EPB41L5: variants seen among roughly 807,000 people sequenced by gnomAD.
EPB41L5 encodes erythrocyte membrane protein band 4.1 like 5, also known as band 4.1-like protein 5.
Under a neutral mutation model 106.6 loss-of-function variants are expected in EPB41L5, and 55 were observed. That is an observed-to-expected ratio of 0.52 (90% confidence interval 0.42 to 0.65). EPB41L5 has a LOEUF of 0.65. EPB41L5 is among the 30% of genes least tolerant of loss of function. EPB41L5 has a pLI of 0.00. For synonymous variants in EPB41L5, 297 were observed against 306.7 expected, an observed-to-expected ratio of 0.97 and a Z score of 0.33; for missense variants, 871 against 882.1, an observed-to-expected ratio of 0.99 and a Z score of 0.16.
At position 120,160,940 on chromosome 2, in the gene EPB41L5, T is replaced by G; in HGVS notation, c.1853T>G (p.Leu618Arg). ...AAAGAGTCTCTTGAGACTCTGATGC[T>G]TATCACACCTGCCGACAGTGGTTCT... is the stretch of plus-strand genomic sequence containing the variant. The part of the protein sequence containing the change: ...LPKESLETLM[L>R]ITPADSGSVL... The change falls in exon 21 of 25, where the codon CTT (leucine) becomes CGT (arginine). Residue 618 changes from leucine (L) to arginine (R), a missense_variant. Transcript: ENST00000263713. The G allele has an allele frequency of 6.2e-7, 1 of 1,614,042 alleles. No homozygotes were observed. The highest frequency in any genetic ancestry group is 8.5e-7 in the Non-Finnish European group (1 of 1,179,872).
chr2:120,021,385 C>T lies in EPB41L5; in HGVS notation c.180+2121C>T, dbSNP rs952597671. ...TTGGGCCAGGTGCAGTGGCTCACGC[C>T]GGTAATCGCAGCACTTTGGGAGGCC... On this transcript the variant is annotated intron_variant, in intron 2 of 24. Transcript: ENST00000263713. 8.6e-5 allele frequency among the ~76,000 whole-genome samples: 13 copies of T among 151,852 alleles called. No homozygotes were observed. The East Asian group carries it at 1.2e-3, about 14-fold the overall frequency.
chr2:120,031,156 A>G (rs1361389245), intron 2 of EPB41L5, among the ~76,000 whole-genome samples: 1 of 152,236 alleles, frequency 6.6e-6, no homozygotes, highest in Non-Finnish European at 1.5e-5. Context: ...GGCATGAGCC[A>G]CCACGCCCAG....
chr2:120,081,869 C>T (rs1663984969), intron 10 of EPB41L5, among the ~76,000 whole-genome samples: 1 of 152,056 alleles, frequency 6.6e-6, no homozygotes. Flanking sequence ...CTCTTTGAAG[C>T]AATTGTGAAT....
At position 120,102,289 on chromosome 2, in the gene EPB41L5, C is replaced by T. The variant is rs540856567; in HGVS notation, c.1337+1475C>T. Among the ~76,000 whole-genome samples, 11 of 152,204 alleles carry T rather than the reference C, an allele frequency of 7.2e-5. No homozygotes were observed. In the South Asian group the frequency reaches 2.1e-3, roughly 29 times the overall value. On this transcript the variant is annotated intron_variant, in intron 16 of 24. Coordinates refer to ENST00000263713, the MANE Select transcript of EPB41L5 (RefSeq NM_020909.4). Reference sequence around the variant, plus strand: ...TCTTTGATGCATCCTTTAGAAAGAGCATTGAATTTATTAAATTTTAAGGAA... The same window carrying T: ...TCTTTGATGCATCCTTTAGAAAGAGTATTGAATTTATTAAATTTTAAGGAA...
intron 2 of EPB41L5, among the ~76,000 whole-genome samples, chr2:120,024,674 T>C (rs1037410231): frequency 6.6e-6 from 1 of 152,188 alleles, no homozygotes; most frequent in South Asian, 2.1e-4. Flanking sequence ...TTACCCAGGA[T>C]GGTCTCGGTC....
chr2:120,038,869 C>T (rs543513321), intron 2 of EPB41L5, among the ~76,000 whole-genome samples: 7 of 152,226 alleles, frequency 4.6e-5, no homozygotes, highest in Non-Finnish European at 1.0e-4. Context: ...CAGATACTTA[C>T]ACACCAGTGT....
chr2:120,060,561 C>T (rs967022876), intron 3 of EPB41L5, among the ~76,000 whole-genome samples: 10 of 152,100 alleles, frequency 6.6e-5, no homozygotes, highest in Admixed American at 2.6e-4. Flanking sequence ...CTTGAAATGA[C>T]ACAATTATAG....
intron 20 of EPB41L5, among the ~76,000 whole-genome samples, chr2:120,146,834 A>G (rs1358075314): frequency 6.6e-6 from 1 of 152,230 alleles, no homozygotes; most frequent in African/African-American, 2.4e-5. Context: ...GTGTTAAAAA[A>G]TGTTGAGCAA....
intron 3 of EPB41L5, among the ~76,000 whole-genome samples, chr2:120,060,366 G>C (rs1296787172): frequency 1.3e-5 from 2 of 152,104 alleles, no homozygotes; most frequent in African/African-American, 2.4e-5. Flanking sequence ...AACAACCACA[G>C]TGTCCTACAG....
chr2:120,070,743 A>T (rs760117642), intron 3 of EPB41L5, among the ~76,000 whole-genome samples: 1 of 152,218 alleles, frequency 6.6e-6, no homozygotes, highest in Non-Finnish European at 1.5e-5. Flanking sequence ...AAACCACATG[A>T]TTATCTCAAT....
intron 16 of EPB41L5, among the ~76,000 whole-genome samples, chr2:120,122,787 A>G (rs1445792004): frequency 1.3e-5 from 2 of 152,110 alleles, no homozygotes; most frequent in Admixed American, 1.3e-4. Context: ...TTTTCACGAT[A>G]TTGATTCTTC....
chr2:120,115,827 G>A (rs928466277), intron 16 of EPB41L5, among the ~76,000 whole-genome samples: 21 of 150,762 alleles, frequency 1.4e-4, no homozygotes, highest in African/African-American at 4.6e-4. Context: ...GTTATTTTTC[G>A]AGACAAGAGT....
chr2:120,075,880 G>T, intron 7 of EPB41L5, 127 bp downstream of exon 7: 1 of 754,980 alleles, frequency 1.3e-6, no homozygotes, highest in East Asian at 2.6e-5. Flanking sequence ...ACTTGTATCA[G>T]GGTCCAACTC....
At chr2:120,044,055 G>A (rs1679606056) in intron 3 of EPB41L5, among the ~76,000 whole-genome samples, 1 of 150,684 alleles carries the variant, frequency 6.6e-6, no homozygotes, top group Non-Finnish European at 1.5e-5. Flanking sequence ...TGGGAGGATC[G>A]CATGAGCCCA....
intron 2 of EPB41L5, among the ~76,000 whole-genome samples, chr2:120,028,720 T>A (rs574020578): frequency 6.6e-6 from 1 of 151,200 alleles, no homozygotes; most frequent in East Asian, 1.9e-4. Context: ...GGGAGGGGAG[T>A]GAGGACTAGT....
chr2:120,134,396 G>C (rs1300012579), intron 18 of EPB41L5, among the ~76,000 whole-genome samples: 4 of 152,098 alleles, frequency 2.6e-5, no homozygotes, highest in African/African-American at 9.7e-5. Flanking sequence ...CACAAGTCTG[G>C]CTGGATTCAC....
chr2:120,105,364 A>G, intron 16 of EPB41L5: 1 of 972,588 alleles, frequency 1.0e-6, no homozygotes, highest in East Asian at 1.1e-4. Context: ...TAATGCTTCA[A>G]GATAATGAAG....
rs553351536 is a variant in EPB41L5, at chr2:120,164,743, G to A, written c.1888-93G>A. 31 of 803,192 alleles carry A rather than the reference G, an allele frequency of 3.9e-5. No individual in the cohort carries two copies. In the South Asian group the frequency reaches 4.9e-4, roughly 13 times the overall value. 49.8% of individuals were successfully genotyped at this position (803,192 alleles called of 1,614,324 possible). A position where few individuals can be genotyped will look rare whatever the true frequency, so the allele number is the denominator to read the frequency against. ...TAAAGGATTAACACTAATCAGGCCTGTGTCAGAATTATAAATTGAGAGGAT... is the reference window on the plus strand; with the variant it reads ...TAAAGGATTAACACTAATCAGGCCTATGTCAGAATTATAAATTGAGAGGAT... On this transcript the variant is annotated intron_variant, in intron 21 of 24. Coordinates refer to ENST00000263713, the MANE Select transcript of EPB41L5 (RefSeq NM_020909.4).
At chr2:120,110,767 T>G (rs2105426247) in intron 16 of EPB41L5, among the ~76,000 whole-genome samples, 1 of 152,034 alleles carries the variant, frequency 6.6e-6, no homozygotes, top group South Asian at 2.1e-4. Context: ...CCGGAGTAGC[T>G]GGGACTACAG....
Sources: allele counts gnomAD v4.1 joint callset (sites outside exome capture counted in the v4.1 genomes callset), GRCh38; gene constraint gnomAD v4.1.1; transcripts MANE v1.5; gene names NCBI Gene and HGNC (gene_info 2026-07-23, HGNC 2026-07-21).